The following WDR33 variants were observed in gnomAD, a reference collection of about 807,000 sequenced individuals.
The protein encoded by WDR33 is WD repeat domain 33, also known as pre-mRNA 3' end processing protein WDR33.
A neutral mutation model predicts 164.9 loss-of-function variants in WDR33; 47 were observed. The observed-to-expected ratio is 0.29, with a 90% CI of 0.23 to 0.36. WDR33 has a LOEUF of 0.36. Ranked by LOEUF, WDR33 falls within the 10% of genes least tolerant of loss-of-function variation. WDR33 has a pLI of 1.00. For missense variants in WDR33, 1,137 were observed against 1,754.1 expected (o/e 0.65, Z 6.28); for synonymous variants, 505 against 589.0 (o/e 0.86, Z 2.06).
rs1685993363 is a variant in WDR33, at chr2:127,705,684, A to G, written c.*639T>C. The stretch of plus-strand genomic sequence containing the variant: ...TTTCCATCTGTCAGAGCATGTCTGA[A>G]TAAAAATTTGAACCTACTACAAACT... On this transcript the variant is annotated 3_prime_UTR_variant, in exon 22 of 22. Transcript: ENST00000322313. This position sits in a 1 kb window ranked among gnomAD's most constrained non-coding sequence, Gnocchi z 4.5. The G allele has an allele frequency of 6.6e-6, 1 of 152,256 alleles. No homozygotes were observed. The highest frequency in any genetic ancestry group is 2.4e-5 in the African/African-American group (1 of 41,470). The allele number at this position is 152,256 out of a possible 1,614,324, so 9.4% of individuals were successfully genotyped here. A position where few individuals can be genotyped will look rare whatever the true frequency, so the allele number is the denominator to read the frequency against.
At chr2:127,752,596 C>CAAA (rs34369142) in intron 7 of WDR33, among the ~76,000 whole-genome samples, 34 of 76,532 alleles carry the variant, frequency 4.4e-4, no homozygotes, top group Admixed American at 5.9e-4. Context: ...GACTCCGTCT[C>CAAA]AAAAAAAAAA....
At position 127,724,843 on chromosome 2, in the gene WDR33, T is replaced by A; in HGVS notation, c.1085+44A>T. 1 of 1,595,464 alleles carries A rather than the reference T, an allele frequency of 6.3e-7. No homozygotes were observed. On this transcript the variant is annotated intron_variant, in intron 10 of 21. Coordinates refer to ENST00000322313, the MANE Select transcript of WDR33 (RefSeq NM_018383.5). This position sits in a 1 kb window ranked among gnomAD's most constrained non-coding sequence, Gnocchi z 4.8. ...ATCATGTCTGCACACATTCACGTGC[T>A]CTCTTCACAAAATACACTACTTTTT...
In WDR33 at chr2:127,701,310, G is replaced by C. The variant is rs552859123; in HGVS notation, c.*5013C>G. ...CTCCGAACAAGGAAGAGGGTCAGGC[G>C]CTGGGAGGGCGACTGCAAGCGGACA... is the stretch of plus-strand genomic sequence containing the variant. On this transcript the variant is annotated 3_prime_UTR_variant, in exon 22 of 22. Coordinates refer to ENST00000322313, the MANE Select transcript of WDR33 (RefSeq NM_018383.5). 647 of 368,786 alleles carry C rather than the reference G, an allele frequency of 1.8e-3. 2 individuals carry two copies. Among genetic ancestry groups the C allele is most frequent in the Non-Finnish European group, 2.4e-3 (504 of 211,564 alleles). 22.8% of individuals were successfully genotyped at this position (368,786 alleles called of 1,614,324 possible).
chr2:127,712,108 T>A lies in WDR33; in HGVS notation c.3308+1475A>T, dbSNP rs898035639. ...TTCACAAGAAGAGTAAGAAATGGAA[T>A]GAAAGGACCAGGCGCAGTGGCTCAC... On this transcript the variant is annotated intron_variant, in intron 18 of 21. Transcript: ENST00000322313. The surrounding 1 kb of genome is among the most constrained non-coding windows in gnomAD (Gnocchi z 4.0). Among the ~76,000 whole-genome samples, 1 of 151,604 alleles carries A rather than the reference T, an allele frequency of 6.6e-6. No homozygotes were observed. The highest frequency in any genetic ancestry group is 2.4e-5 in the African/African-American group (1 of 41,274).
chr2:127,730,289 T>C (rs941245990), intron 7 of WDR33, among the ~76,000 whole-genome samples: 1 of 152,196 alleles, frequency 6.6e-6, no homozygotes, highest in Non-Finnish European at 1.5e-5. Context: ...TAAGCTGGAA[T>C]AGAAGAAAAT....
intron 1 of WDR33, among the ~76,000 whole-genome samples, chr2:127,786,840 TG>T (rs1688593112): frequency 1.5e-5 from 2 of 130,560 alleles, no homozygotes; most frequent in Non-Finnish European, 3.2e-5. Flanking sequence ...TCTTCCTTTC[TG>T]TTCTTTTTTT....
At chr2:127,802,623 T>C (rs1689292968) in intron 1 of WDR33, among the ~76,000 whole-genome samples, 1 of 152,144 alleles carries the variant, frequency 6.6e-6, no homozygotes, top group Non-Finnish European at 1.5e-5. Flanking sequence ...TCCTTCTTGG[T>C]CACAGGTGCT....
chr2:127,707,938 G>A (rs1437025788), intron 21 of WDR33, among the ~76,000 whole-genome samples: 1 of 152,092 alleles, frequency 6.6e-6, no homozygotes, highest in Admixed American at 6.5e-5. Flanking sequence ...CAGCCTGGGC[G>A]ACAGAAAAAA....
intron 7 of WDR33, among the ~76,000 whole-genome samples, chr2:127,761,722 T>C (rs1687682863): frequency 6.6e-6 from 1 of 152,216 alleles, no homozygotes; most frequent in Non-Finnish European, 1.5e-5. Context: ...ACCCTTGGCA[T>C]CATGGAGCTC....
intron 1 of WDR33, among the ~76,000 whole-genome samples, chr2:127,782,180 G>A (rs1688394337): frequency 6.6e-6 from 1 of 152,100 alleles, no homozygotes; most frequent in Non-Finnish European, 1.5e-5. Flanking sequence ...ACCAAGGCAG[G>A]AGGGTCATTT....
chr2:127,713,437 C>A lies in WDR33; in HGVS notation c.3308+146G>T. ...GGTTAAAAAGCACACTTTTTTTAAA[C>A]GTCCAAATGCAAACTCTACAGAGTG... is the stretch of plus-strand genomic sequence containing the variant. On this transcript the variant is annotated intron_variant, in intron 18 of 21. Transcript: ENST00000322313. This position sits in a 1 kb window ranked among gnomAD's most constrained non-coding sequence, Gnocchi z 6.2. The A allele has an allele frequency of 3.3e-6, 3 of 915,278 alleles. No homozygotes were observed. In the East Asian group the frequency reaches 7.6e-5, roughly 23 times the overall value. The allele number at this position is 915,278 out of a possible 1,614,324, so 56.7% of individuals were successfully genotyped here.
Position 127,714,613 on chromosome 2 carries a change from C to T in WDR33, c.2870-592G>A, listed in dbSNP as rs997240314. On this transcript the variant is annotated intron_variant, in intron 17 of 21. Coordinates refer to ENST00000322313, the MANE Select transcript of WDR33 (RefSeq NM_018383.5). The surrounding 1 kb of genome is among the most constrained non-coding windows in gnomAD (Gnocchi z 4.3). ...TGGGCTTCAGTGTCGGGGTTTTCTGCACCTCTCTATGGATGTTGTTCCTCA... is the reference window on the plus strand; with the variant it reads ...TGGGCTTCAGTGTCGGGGTTTTCTGTACCTCTCTATGGATGTTGTTCCTCA... 6.6e-6 allele frequency among the ~76,000 whole-genome samples: 1 copy of T among 152,236 alleles called. No homozygotes were observed.
chr2:127,807,377 CCTA>C (rs958951356), intron 1 of WDR33, among the ~76,000 whole-genome samples: 1 of 152,320 alleles, frequency 6.6e-6, no homozygotes, highest in African/African-American at 2.4e-5. Flanking sequence ...TGCTGCTCCA[CCTA>C]CTAAGTTGAG....
At chr2:127,755,331 A>C (rs1687488331) in intron 7 of WDR33, among the ~76,000 whole-genome samples, 1 of 152,182 alleles carries the variant, frequency 6.6e-6, no homozygotes, top group Non-Finnish European at 1.5e-5. Context: ...AGAATCTTAC[A>C]GCACTCTCTG....
In WDR33 at chr2:127,714,991, C is replaced by G. The variant is rs149726957; in HGVS notation, c.2870-970G>C. ...CAGTTCATGCCTTTTACTGCTTTTC[C>G]CTGGCTATAAAGACAAACCCCTCCT... On this transcript the variant is annotated intron_variant, in intron 17 of 21. Coordinates refer to ENST00000322313, the MANE Select transcript of WDR33 (RefSeq NM_018383.5). The surrounding 1 kb of genome is among the most constrained non-coding windows in gnomAD (Gnocchi z 4.3). 3.9e-5 allele frequency among the ~76,000 whole-genome samples: 6 copies of G among 152,180 alleles called. No homozygotes were observed. In the East Asian group the frequency reaches 1.2e-3, roughly 29 times the overall value.
chr2:127,716,920 C>T lies in WDR33; in HGVS notation c.2869+235G>A, dbSNP rs576087235. Among the ~76,000 whole-genome samples the T allele has an allele frequency of 6.6e-5, 10 of 152,360 alleles. No homozygotes were observed. Among genetic ancestry groups the T allele is most frequent in the Non-Finnish European group, 1.0e-4 (7 of 68,038 alleles). Reference sequence around the variant, plus strand: ...GCAAGGCCAGCCTGCCACACAGGCACGACTGCTGGAGCCTGTGCGGGTGCC... The same window carrying T: ...GCAAGGCCAGCCTGCCACACAGGCATGACTGCTGGAGCCTGTGCGGGTGCC... On this transcript the variant is annotated intron_variant, in intron 17 of 21. Coordinates refer to ENST00000322313, the MANE Select transcript of WDR33 (RefSeq NM_018383.5). The surrounding 1 kb of genome is among the most constrained non-coding windows in gnomAD (Gnocchi z 4.5).
chr2:127,809,031 CAAAAAAAAAAAAAA>C (rs11305287), intron 1 of WDR33, among the ~76,000 whole-genome samples: 1 of 84,918 alleles, frequency 1.2e-5, no homozygotes, highest in African/African-American at 4.6e-5. Context: ...ACTCTTGTCT[CAAAAAAAAAAAAAA>C]AAAAAAAAGA....
intron 1 of WDR33, among the ~76,000 whole-genome samples, chr2:127,781,118 C>G (rs1294371147): frequency 1.3e-5 from 2 of 152,168 alleles, no homozygotes; most frequent in African/African-American, 4.8e-5. Flanking sequence ...CCTGCCGCAG[C>G]CTCCCGAAGT....
rs201681607 is a variant in WDR33 at position 127,805,068 on chromosome 2, C to CTTTTTTTTT, written c.-24+5935_-24+5943dup. 6.5e-4 allele frequency among the ~76,000 whole-genome samples: 55 copies of CTTTTTTTTT among 84,424 alleles called. 2 individuals carry two copies. Among genetic ancestry groups the CTTTTTTTTT allele is most frequent in the African/African-American group, 9.5e-4 (19 of 19,916 alleles). The allele number at this position is 84,424 out of a possible 152,430, so 55.4% of individuals were successfully genotyped here. On this transcript the variant is annotated intron_variant, in intron 1 of 21. Transcript: ENST00000322313. ...CGTATCATCACCTGTGAAGTTTTTTCTTTTTTTTTTTTTTTTTTTTTTTTT... is the reference window on the plus strand; with the variant it reads ...CGTATCATCACCTGTGAAGTTTTTTCTTTTTTTTTTTTTTTTTTTTTTTTTTTTTTTTTT...
Sources: allele counts gnomAD v4.1 joint callset (sites outside exome capture counted in the v4.1 genomes callset), GRCh38; gene constraint gnomAD v4.1.1; non-coding constraint Gnocchi (gnomAD v3.1); transcripts MANE v1.5; gene names NCBI Gene and HGNC (gene_info 2026-07-23, HGNC 2026-07-21).